TENM2: variants seen among roughly 807,000 people sequenced by gnomAD.
TENM2 encodes teneurin-2.
In TENM2, 52 loss-of-function variants were observed where a neutral mutation model predicts 245.2. The ratio of observed to expected loss-of-function variants is 0.21; its 90% CI spans 0.17 to 0.27. The LOEUF is 0.27. Among genes scored for constraint, TENM2 ranks in the 10% least tolerant of loss-of-function variants. TENM2 has a pLI of 1.00. For synonymous variants in TENM2, 1,363 were observed against 1,438.9 expected (o/e 0.95, Z 1.19); for missense variants, 3,046 against 3,666.8 (o/e 0.83, Z 4.37).
intron 12 of TENM2, among the ~76,000 whole-genome samples, chr5:168,132,555 C>T (rs926153921): frequency 1.3e-5 from 2 of 152,206 alleles, no homozygotes; most frequent in Non-Finnish European, 2.9e-5. Context: ...GATGGACTAG[C>T]TTGTGGCTCA....
chr5:167,895,878 A>G (rs1583304046), intron 3 of TENM2, among the ~76,000 whole-genome samples: 1 of 152,254 alleles, frequency 6.6e-6, no homozygotes, highest in African/African-American at 2.4e-5. Context: ...ACTAGATAAC[A>G]GGGAGCTCAA....
chr5:167,685,548 G>A (rs1757018432), intron 2 of TENM2, among the ~76,000 whole-genome samples: 2 of 152,026 alleles, frequency 1.3e-5, no homozygotes, highest in Admixed American at 1.3e-4. Flanking sequence ...TGATACTGCT[G>A]GTTCATTGAT....
At chr5:167,441,333 G>C (rs138031669) in intron 2 of TENM2, among the ~76,000 whole-genome samples, 1 of 152,304 alleles carries the variant, frequency 6.6e-6, no homozygotes, top group South Asian at 2.1e-4. Context: ...ACCACTGGCT[G>C]TTACCCATCT....
chr5:167,358,491 T>A (rs1316672781), intron 1 of TENM2, among the ~76,000 whole-genome samples: 5 of 151,282 alleles, frequency 3.3e-5, no homozygotes, highest in Non-Finnish European at 5.9e-5. Flanking sequence ...CTGTTTATAG[T>A]TATTTGACCC....
At chr5:168,003,834 C>T (rs528812052) in intron 5 of TENM2, among the ~76,000 whole-genome samples, 6 of 152,256 alleles carry the variant, frequency 3.9e-5, no homozygotes, top group Admixed American at 6.5e-5. Context: ...GCCTAATAGA[C>T]GAGAGTAATG....
At chr5:167,459,943 CACACACAA>C (rs1766191757) in intron 2 of TENM2, among the ~76,000 whole-genome samples, 1 of 151,970 alleles carries the variant, frequency 6.6e-6, no homozygotes, top group Non-Finnish European at 1.5e-5. Context: ...CACGCACACA[CACACACAA>C]CACACACTCA....
At chr5:168,095,707 A>G (rs962807745) in intron 8 of TENM2, among the ~76,000 whole-genome samples, 5 of 152,192 alleles carry the variant, frequency 3.3e-5, no homozygotes, top group African/African-American at 9.7e-5. Context: ...TTTGCATATA[A>G]TAAGTGCTCA....
At chr5:167,083,908 GC>G in the TENM2 span, among the ~76,000 whole-genome samples, 1 of 152,130 alleles carries the variant, frequency 6.6e-6, no homozygotes, top group Non-Finnish European at 1.5e-5. Flanking sequence ...CTGTGTGTGT[GC>G]ATGCATGTGT....
At chr5:168,109,412 C>T (rs1026724109) in intron 9 of TENM2, among the ~76,000 whole-genome samples, 11 of 152,216 alleles carry the variant, frequency 7.2e-5, no homozygotes, top group African/African-American at 2.4e-4. Context: ...TTGTGTCATA[C>T]GTCATGATCG....
At chr5:167,710,935 A>G (rs1758869180) in intron 2 of TENM2, among the ~76,000 whole-genome samples, 1 of 152,226 alleles carries the variant, frequency 6.6e-6, no homozygotes, top group African/African-American at 2.4e-5. Flanking sequence ...TAGTAACAAT[A>G]CAGCTATCTA....
rs527949159 is a variant in TENM2, at chr5:167,982,368, A to G, written c.948-10576A>G. On this transcript the variant is annotated intron_variant, in intron 4 of 28. Transcript: ENST00000518659. ...TCATCAATGCATCCAAGCATCTAGT[A>G]CCATGTGATATATATTCCATGCTCA... 1.5e-4 allele frequency among the ~76,000 whole-genome samples: 23 copies of G among 152,314 alleles called. No individual in the cohort carries two copies. In the South Asian group the frequency reaches 2.7e-3, roughly 18 times the overall value.
chr5:167,269,435 G>C, the TENM2 span, among the ~76,000 whole-genome samples: 1 of 151,784 alleles, frequency 6.6e-6, no homozygotes, highest in Non-Finnish European at 1.5e-5. Flanking sequence ...ATCCGTTTCT[G>C]GATTTTGCAC....
At chr5:168,054,488 A>G (rs1168740232) in intron 6 of TENM2, among the ~76,000 whole-genome samples, 1 of 152,252 alleles carries the variant, frequency 6.6e-6, no homozygotes, top group Non-Finnish European at 1.5e-5. Flanking sequence ...ATAGATAAAA[A>G]TATGTGAGGC....
chr5:167,419,129 GTAGATAGATAGA>G (rs55794859), intron 2 of TENM2, among the ~76,000 whole-genome samples: 6 of 150,280 alleles, frequency 4.0e-5, no homozygotes, highest in African/African-American at 1.2e-4. Flanking sequence ...AGATGTGTAT[GTAGATAGATAGA>G]TAGATAGATA....
At chr5:167,721,188 A>G (rs1009034896) in intron 2 of TENM2, among the ~76,000 whole-genome samples, 2 of 152,178 alleles carry the variant, frequency 1.3e-5, no homozygotes, top group Non-Finnish European at 2.9e-5. Flanking sequence ...CCATTTGCAG[A>G]GAAGTCAGTG....
chr5:168,218,754 T>C lies in TENM2; in HGVS notation c.4863T>C (p.Thr1621=). The change falls in exon 23 of 29, where the codon ACT becomes ACC. Residue 1621 remains threonine (T), a synonymous_variant. Coordinates refer to ENST00000518659, the Ensembl canonical transcript of TENM2. The surrounding 1 kb of genome is among the most constrained non-coding windows in gnomAD (Gnocchi z 5.2). ...ACTTGTACAATTTCACATATAGTAC[T>C]GACAATGATGTCACTGAATTGATTG... 1.2e-6 allele frequency: 2 copies of C among 1,614,032 alleles called. No homozygotes were observed. Among genetic ancestry groups the C allele is most frequent in the Non-Finnish European group, 1.7e-6 (2 of 1,179,890 alleles).
the TENM2 span, among the ~76,000 whole-genome samples, chr5:167,176,491 A>G: frequency 2.6e-5 from 4 of 152,248 alleles, no homozygotes; most frequent in East Asian, 5.8e-4. Flanking sequence ...AGGGTTTGCA[A>G]TTGTGATCTT....
intron 1 of TENM2, among the ~76,000 whole-genome samples, chr5:167,324,691 A>G (rs1342827411): frequency 1.3e-5 from 2 of 152,210 alleles, no homozygotes; most frequent in Non-Finnish European, 2.9e-5. Context: ...ACATGGAAAT[A>G]AATATGAAAT....
chr5:167,135,745 G>A, the TENM2 span, among the ~76,000 whole-genome samples: 551 of 152,188 alleles, frequency 3.6e-3, 2 homozygotes, highest in African/African-American at 0.013. Flanking sequence ...GCAGTGAGCC[G>A]AGATTGCGCA....
Sources: allele counts gnomAD v4.1 joint callset (sites outside exome capture counted in the v4.1 genomes callset), GRCh38; gene constraint gnomAD v4.1.1; non-coding constraint Gnocchi (gnomAD v3.1); transcripts MANE v1.5; gene names NCBI Gene and HGNC (gene_info 2026-07-23, HGNC 2026-07-21).